PDE11A: variants seen among roughly 807,000 people sequenced by gnomAD.
The protein encoded by PDE11A is phosphodiesterase 11A, also known as dual 3',5'-cyclic-AMP and -GMP phosphodiesterase 11A.
Under a neutral mutation model 100.5 loss-of-function variants are expected in PDE11A, and 100 were observed. The ratio of observed to expected loss-of-function variants is 1.00; its 90% CI spans 0.85 to 1.18. The LOEUF (loss-of-function observed/expected upper bound fraction) is 1.18. PDE11A is among the 50% of genes most tolerant of loss of function. The probability of loss-of-function intolerance (pLI) is 0.00; values close to 1 mark genes in which losing one functional copy is unlikely to be tolerated. For synonymous variants in PDE11A, 381 were observed against 420.8 expected (o/e 0.91, Z 1.16); for missense variants, 1,141 against 1,152.6 (o/e 0.99, Z 0.15).
chr2:178,105,637 C>T (rs2087609183), intron 1 of PDE11A: 1 of 509,270 alleles, frequency 2.0e-6, no homozygotes, highest in Non-Finnish European at 3.2e-6. Flanking sequence ...TGTACTTTAT[C>T]GATGTCTCAG....
intron 18 of PDE11A, among the ~76,000 whole-genome samples, chr2:177,665,988 A>G (rs2080572769): frequency 6.6e-6 from 1 of 152,246 alleles, no homozygotes; most frequent in South Asian, 2.1e-4. Flanking sequence ...GGTTTTTAGT[A>G]TATTTACAAA....
At chr2:177,817,985 T>C (rs769304325) in intron 7 of PDE11A, 60 bp from the exon 8 acceptor site, 3 of 831,072 alleles carry the variant, frequency 3.6e-6, no homozygotes, top group Non-Finnish European at 2.1e-6. Flanking sequence ...GTTTCTCTAA[T>C]AGAGTAGCCA....
intron 19 of PDE11A, among the ~76,000 whole-genome samples, chr2:177,654,303 T>C (rs544325343): frequency 1.3e-5 from 2 of 152,166 alleles, no homozygotes; most frequent in South Asian, 2.1e-4. Flanking sequence ...GCAGATCACT[T>C]TAGCTCAGGG....
In PDE11A at chr2:178,071,656, T is replaced by A; in HGVS notation, c.782A>T (p.His261Leu). Residue 261 changes from histidine to leucine, a missense_variant, in exon 1 of 20, where the codon CAT (histidine) becomes CTT (leucine). His to Leu is a moderately conservative substitution (Grantham distance 99). Transcript: ENST00000286063. ...KTLVSKFFDV[H>L]AGTPLLPCSS... ...GCAAGGCAGCAGAGGTGTTCCTGCATGCACATCAAAGAATTTGGAGACCAA... is the reference window on the plus strand; with the variant it reads ...GCAAGGCAGCAGAGGTGTTCCTGCAAGCACATCAAAGAATTTGGAGACCAA... The A allele has an allele frequency of 6.2e-7, 1 of 1,613,444 alleles. No individual in the cohort carries two copies. The highest frequency in any genetic ancestry group is 8.5e-7 in the Non-Finnish European group (1 of 1,179,364).
intron 2 of PDE11A, among the ~76,000 whole-genome samples, chr2:178,086,830 T>C (rs1238988034): frequency 6.6e-6 from 1 of 152,222 alleles, no homozygotes; most frequent in Admixed American, 6.5e-5. Flanking sequence ...CATGTTCTAG[T>C]CCCAGTTTTG....
chr2:177,853,944 ATATC>A (rs2083782525), intron 5 of PDE11A, among the ~76,000 whole-genome samples: 2 of 148,332 alleles, frequency 1.3e-5, no homozygotes, highest in Admixed American at 6.8e-5. Flanking sequence ...GTGTGTATAT[ATATC>A]TATATATATG....
intron 6 of PDE11A, among the ~76,000 whole-genome samples, chr2:177,830,777 C>T (rs2083296619): frequency 1.3e-5 from 2 of 151,782 alleles, no homozygotes; most frequent in Admixed American, 1.3e-4. Context: ...GAGCAGATGA[C>T]TGATAAAGCT....
At chr2:178,084,932 T>G (rs2087330422) in intron 2 of PDE11A, among the ~76,000 whole-genome samples, 1 of 152,172 alleles carries the variant, frequency 6.6e-6, no homozygotes, top group African/African-American at 2.4e-5. Context: ...GTATGCCACA[T>G]CTAAGCAGAA....
At chr2:177,858,380 T>C (rs1294274386) in intron 5 of PDE11A, among the ~76,000 whole-genome samples, 1 of 150,104 alleles carries the variant, frequency 6.7e-6, no homozygotes, top group African/African-American at 2.5e-5. Flanking sequence ...GAATCTACAA[T>C]TAACTCAAAC....
At chr2:177,944,557 C>T (rs1252608427) in intron 2 of PDE11A, among the ~76,000 whole-genome samples, 1 of 152,182 alleles carries the variant, frequency 6.6e-6, no homozygotes, top group African/African-American at 2.4e-5. Context: ...CTTTGCTATA[C>T]CCAACAATTA....
At chr2:178,002,207 TG>T (rs1329866191) in intron 2 of PDE11A, among the ~76,000 whole-genome samples, 7 of 152,246 alleles carry the variant, frequency 4.6e-5, no homozygotes, top group Admixed American at 3.9e-4. Context: ...CTTATGATGA[TG>T]GCCTCCAGCT....
intron 19 of PDE11A, among the ~76,000 whole-genome samples, chr2:177,633,058 T>G (rs890883921): frequency 7.9e-5 from 12 of 152,144 alleles, no homozygotes; most frequent in Admixed American, 7.9e-4. Flanking sequence ...ACAGAAGTTG[T>G]GAGATTATTA....
At chr2:177,820,648 T>A (rs1405278469) in intron 6 of PDE11A, among the ~76,000 whole-genome samples, 1 of 152,012 alleles carries the variant, frequency 6.6e-6, no homozygotes, top group Non-Finnish European at 1.5e-5. Flanking sequence ...TTTAAAGCAT[T>A]TTAATTAAAC....
chr2:177,641,231 C>CAG (rs777790197), intron 19 of PDE11A, among the ~76,000 whole-genome samples: 3 of 152,032 alleles, frequency 2.0e-5, no homozygotes, highest in Non-Finnish European at 4.4e-5. Context: ...AAGACCCTAT[C>CAG]AGAAAAGAGT....
intron 17 of PDE11A, among the ~76,000 whole-genome samples, chr2:177,670,914 C>G (rs73979511): frequency 0.035 from 5,377 of 152,174 alleles, 309 homozygotes; most frequent in African/African-American, 0.12. Context: ...CTGAAAAATC[C>G]CCTTCACCCC....
chr2:178,003,394 A>C (rs538707753), intron 2 of PDE11A, among the ~76,000 whole-genome samples: 1 of 152,322 alleles, frequency 6.6e-6, no homozygotes, highest in South Asian at 2.1e-4. Flanking sequence ...GTACTGATAC[A>C]TGCTACAACA....
chr2:178,071,929 T>G lies in PDE11A; in HGVS notation c.509A>C (p.His170Pro). The G allele has an allele frequency of 6.2e-7, 1 of 1,614,050 alleles. No homozygotes were observed. Among genetic ancestry groups the G allele is most frequent in the Non-Finnish European group, 8.5e-7 (1 of 1,179,940 alleles). The part of the protein sequence containing the change: ...KASSLPPTTA[H>P]ILSALLESRV... The stretch of plus-strand genomic sequence containing the variant: ...CGATTCCAGCAGCGCACTGAGAATA[T>G]GGGCTGTGGTGGGGGGCAGGGAGCT... The change falls in exon 1 of 20, where the codon CAT becomes CCT. Residue 170 changes from histidine (H) to proline (P), a missense_variant. Transcript: ENST00000286063.
chr2:177,642,757 C>T (rs1239005994), intron 19 of PDE11A, among the ~76,000 whole-genome samples: 1 of 152,218 alleles, frequency 6.6e-6, no homozygotes, highest in Non-Finnish European at 1.5e-5. Context: ...AACCAAATCA[C>T]ATCTTGGATT....
chr2:177,952,851 A>T (rs956725066), intron 2 of PDE11A, among the ~76,000 whole-genome samples: 1 of 152,078 alleles, frequency 6.6e-6, no homozygotes, highest in Non-Finnish European at 1.5e-5. Context: ...CCCCTCTCAT[A>T]TGTGATTCCC....
Sources: allele counts gnomAD v4.1 joint callset (sites outside exome capture counted in the v4.1 genomes callset), GRCh38; gene constraint gnomAD v4.1.1; transcripts MANE v1.5; gene names NCBI Gene and HGNC (gene_info 2026-07-23, HGNC 2026-07-21).